The following ENTPD2 variants were observed in gnomAD, a reference collection of about 807,000 sequenced individuals.
The protein encoded by ENTPD2 is CD39 antigen-like 1.
A neutral mutation model predicts 46.8 loss-of-function variants in ENTPD2; 48 were observed. That is an observed-to-expected ratio of 1.03 (90% confidence interval 0.81 to 1.30). The LOEUF is 1.30. Ranked by LOEUF, ENTPD2 falls within the 50% of genes most tolerant of loss-of-function variation. The pLI is 0.00. For missense variants in ENTPD2, 707 were observed against 651.1 expected, an observed-to-expected ratio of 1.09 and a Z score of -0.93; for synonymous variants, 316 against 286.1, an observed-to-expected ratio of 1.10 and a Z score of -1.06.
In ENTPD2 at chr9:137,051,127, G is replaced by T. The variant is rs145171719; in HGVS notation, c.549C>A (p.Tyr183Ter). 7.4e-6 allele frequency: 12 copies of T among 1,612,814 alleles called. No individual in the cohort carries two copies. The highest frequency in any genetic ancestry group is 2.2e-5 in the East Asian group (1 of 44,884). ...ANYLLENFIK[Y>*]GWVGRWFRPR... Reference sequence around the variant, plus strand: ...GCCGGAACCACCGGCCCACCCAGCCGTACTGTGGAGAGGGGAGTGTGGGGT... The same window carrying T: ...GCCGGAACCACCGGCCCACCCAGCCTTACTGTGGAGAGGGGAGTGTGGGGT... Residue 183 changes from tyrosine to a stop codon, truncating the protein, a stop_gained and splice_region_variant, in exon 5 of 9, where the codon TAC (tyrosine) becomes TAA (stop). Coordinates refer to ENST00000355097, the MANE Select transcript of ENTPD2 (RefSeq NM_203468.3). LOFTEE classifies it high-confidence loss of function.
At chr9:137,049,658 G>A (rs1441230800) in intron 7 of ENTPD2, 1 of 557,876 alleles carries the variant, frequency 1.8e-6, no homozygotes, top group Non-Finnish European at 3.1e-6. Context: ...TCTGGGATGA[G>A]GGTCGGGCCT....
At chr9:137,049,195 A>G in intron 7 of ENTPD2, 120 bp from the exon 8 acceptor site, 1 of 1,475,710 alleles carries the variant, frequency 6.8e-7, no homozygotes, top group South Asian at 1.2e-5. Context: ...GTGCGAGGCC[A>G]GAGACCACCA....
rs1832295430 is a variant in ENTPD2, at chr9:137,051,456, G to A, written c.386+54C>T. On this transcript the variant is annotated intron_variant, in intron 3 of 8. Transcript: ENST00000355097. Reference sequence around the variant, plus strand: ...GGGTGCTCGGAGTCCGCCCTGCAAGGGGTCACAGCCAAAGGCCATCATGGG... The same window carrying A: ...GGGTGCTCGGAGTCCGCCCTGCAAGAGGTCACAGCCAAAGGCCATCATGGG... 3 of 1,548,022 alleles carry A rather than the reference G, an allele frequency of 1.9e-6. No homozygotes were observed. In the South Asian group the frequency reaches 3.7e-5, roughly 19 times the overall value.
intron 7 of ENTPD2, 155 bp downstream of exon 7, chr9:137,049,715 A>G: frequency 1.1e-6 from 1 of 870,192 alleles, no homozygotes; most frequent in Non-Finnish European, 1.7e-6. Context: ...CCTACCGGCC[A>G]CAGCCACGCC....
At position 137,049,043 on chromosome 9, in the gene ENTPD2, G is replaced by A. The variant is rs778810351; in HGVS notation, c.1182C>T (p.Arg394=). The A allele has an allele frequency of 6.5e-6, 10 of 1,534,854 alleles. No individual in the cohort carries two copies. The highest frequency in any genetic ancestry group is 8.7e-6 in the Non-Finnish European group (10 of 1,145,080). Residue 394 remains arginine (R), a synonymous_variant, in exon 8 of 9, where the codon CGC becomes CGT. Coordinates refer to ENST00000355097, the MANE Select transcript of ENTPD2 (RefSeq NM_203468.3). ...LQARVPGQRA[R]LADYCAGAMF... is the part of the protein sequence containing the mutation. ...TGGCCCCGGCGCAGTAGTCGGCCAG[G>A]CGGGCCCGTTGCCCTGGCACCCGAG...
chr9:137,052,335 A>G lies in ENTPD2; in HGVS notation c.131T>C (p.Leu44Pro). 6.9e-7 allele frequency: 1 copy of G among 1,459,048 alleles called. No homozygotes were observed. The highest frequency in any genetic ancestry group is 9.4e-7 in the Non-Finnish European group (1 of 1,065,194). 90.4% of individuals were successfully genotyped at this position (1,459,048 alleles called of 1,614,324 possible). A position where few individuals can be genotyped will look rare whatever the true frequency, so the allele number is the denominator to read the frequency against. The change falls in exon 2 of 9, where the codon CTG (leucine) becomes CCG (proline). Residue 44 changes from leucine (L) to proline (P), a missense_variant. Physicochemically the swap from Leu to Pro is moderately conservative, Grantham distance 98. Transcript: ENST00000355097. ...EPPALKYGIV[L>P]DAGSSHTSMF... is the part of the protein sequence containing the mutation. ...GGACGTGTGTGAAGAACCAGCGTCC[A>G]GGACGATGCCATACTGCGGGGGAGG...
intron 1 of ENTPD2, 90 bp from the exon 2 acceptor site, chr9:137,052,438 C>A: frequency 2.1e-6 from 2 of 975,594 alleles, no homozygotes; most frequent in Non-Finnish European, 2.9e-6. Context: ...TCCAGTTTGC[C>A]ACCGCTCCCC....
intron 7 of ENTPD2, 135 bp from the exon 8 acceptor site, chr9:137,049,210 G>C (rs1832208294): frequency 4.2e-6 from 6 of 1,415,666 alleles, no homozygotes; most frequent in South Asian, 1.2e-5. Context: ...CCACCACACA[G>C]GCCCGGACAC....
Position 137,051,662 on chromosome 9 carries a change from T to C in ENTPD2, c.236-2A>G. The C allele has an allele frequency of 6.2e-7, 1 of 1,606,180 alleles. No individual in the cohort carries two copies. Among genetic ancestry groups the C allele is most frequent in the African/African-American group, 1.3e-5 (1 of 74,618 alleles). On this transcript the variant is annotated splice_acceptor_variant, in intron 2 of 8. Coordinates refer to ENST00000355097, the MANE Select transcript of ENTPD2 (RefSeq NM_203468.3). LOFTEE classifies it high-confidence loss of function. The stretch of plus-strand genomic sequence containing the variant: ...CTGCATAGCTGGAGATGCCCCCACC[T>C]AGAGGGAGGCAGAGAGATGAGCCTA...
chr9:137,050,963 TG>T lies in ENTPD2; in HGVS notation c.712del (p.His238ThrfsTer137). ...LYGQHYRVYT[H>X]SFLCYGRDQV... ...GTCACGGCCATAGCAGAGGAAGCTG[TG>T]GGTGTAGACTCGGTAGTGCTGGCCG... is the stretch of plus-strand genomic sequence containing the variant. On this transcript the variant is annotated frameshift_variant, in exon 5 of 9. Coordinates refer to ENST00000355097, the MANE Select transcript of ENTPD2 (RefSeq NM_203468.3). LOFTEE classifies it high-confidence loss of function. The T allele has an allele frequency of 6.2e-7, 1 of 1,612,766 alleles. No homozygotes were observed. Among genetic ancestry groups the T allele is most frequent in the African/African-American group, 1.3e-5 (1 of 75,024 alleles).
intron 5 of ENTPD2, among the ~76,000 whole-genome samples, 160 bp from the exon 6 acceptor site, chr9:137,050,698 A>C (rs1238929635): frequency 1.3e-5 from 2 of 152,140 alleles, no homozygotes; most frequent in Non-Finnish European, 2.9e-5. Context: ...GCCCCTGACC[A>C]GGCTCCCTCT....
intron 7 of ENTPD2, chr9:137,049,438 C>G: frequency 3.8e-6 from 2 of 523,292 alleles, no homozygotes; most frequent in South Asian, 3.7e-5. Context: ...CTCCCTCACC[C>G]CAGTCTGTCT....
Position 137,048,797 on chromosome 9 carries a change from C to T in ENTPD2, c.1348G>A (p.Ala450Thr), listed in dbSNP as rs751443222. ...YMLNLTNLIP[A>T]DPPGLRKGTD... ...CCCTTGCGCAGCCCCGGCGGGTCGG[C>T]GGGGATCAGGTTGGTCAGGTTCAGC... The change falls in exon 9 of 9, where the codon GCC (alanine) becomes ACC (threonine). Residue 450 changes from alanine (A) to threonine (T), a missense_variant. By Grantham distance (58) the Ala-to-Thr change is moderately conservative. Coordinates refer to ENST00000355097, the MANE Select transcript of ENTPD2 (RefSeq NM_203468.3). 5 of 1,583,762 alleles carry T rather than the reference C, an allele frequency of 3.2e-6. No homozygotes were observed. Among genetic ancestry groups the T allele is most frequent in the Non-Finnish European group, 3.4e-6 (4 of 1,164,416 alleles).
Position 137,052,445 on chromosome 9 carries a change from C to CG in ENTPD2, c.118-98_118-97insC. The CG allele has an allele frequency of 3.9e-6, 3 of 765,208 alleles. No individual in the cohort carries two copies. The South Asian group carries it at 5.0e-5, about 13-fold the overall frequency. The allele number at this position is 765,208 out of a possible 1,614,324, so 47.4% of individuals were successfully genotyped here. A position where few individuals can be genotyped will look rare whatever the true frequency, so the allele number is the denominator to read the frequency against. On this transcript the variant is annotated intron_variant, in intron 1 of 8. Coordinates refer to ENST00000355097, the MANE Select transcript of ENTPD2 (RefSeq NM_203468.3). ...TGGGTTCCTCCAGTTTGCCACCGCT[C>CG]CCCCCCCCACCCAGTCATGTGCCAA... is the stretch of plus-strand genomic sequence containing the variant.
chr9:137,050,934 C>T lies in ENTPD2; in HGVS notation c.742G>A (p.Val248Ile), dbSNP rs1424425481. Residue 248 changes from valine to isoleucine, a missense_variant, in exon 5 of 9, where the codon GTC (valine) becomes ATC (isoleucine). By Grantham distance (29) the Val-to-Ile change is conservative. Transcript: ENST00000355097. ...GCGCTGGCCAGCAGCCTCTGGAGGA[C>T]CTGGTCACGGCCATAGCAGAGGAAG... is the stretch of plus-strand genomic sequence containing the variant. ...HSFLCYGRDQ[V>I]LQRLLASALQ... 1.2e-6 allele frequency: 2 copies of T among 1,612,316 alleles called. No individual in the cohort carries two copies. Among genetic ancestry groups the T allele is most frequent in the Admixed American group, 1.7e-5 (1 of 60,020 alleles).
chr9:137,048,577 A>C lies in ENTPD2; in HGVS notation c.*80T>G. On this transcript the variant is annotated 3_prime_UTR_variant, in exon 9 of 9. Coordinates refer to ENST00000355097, the MANE Select transcript of ENTPD2 (RefSeq NM_203468.3). ...GTGGGGATACAGGGGTGGGAGGTAC[A>C]GGGGTTGTGGGAGGGGTGGGAGTAC... is the stretch of plus-strand genomic sequence containing the variant. 1 of 1,042,386 alleles carries C rather than the reference A, an allele frequency of 9.6e-7. No homozygotes were observed. The highest frequency in any genetic ancestry group is 1.2e-6 in the Non-Finnish European group (1 of 807,996). 64.6% of individuals were successfully genotyped at this position (1,042,386 alleles called of 1,614,324 possible). A position where few individuals can be genotyped will look rare whatever the true frequency, so the allele number is the denominator to read the frequency against.
At chr9:137,049,191 G>T in intron 7 of ENTPD2, 116 bp from the exon 8 acceptor site, 1 of 1,493,244 alleles carries the variant, frequency 6.7e-7, no homozygotes, top group Non-Finnish European at 9.0e-7. Context: ...GGCCGTGCGA[G>T]GCCAGAGACC....
intron 7 of ENTPD2, 168 bp downstream of exon 7, chr9:137,049,702 C>T: frequency 5.3e-6 from 4 of 761,034 alleles, no homozygotes; most frequent in Non-Finnish European, 8.1e-6. Flanking sequence ...GACTTGTTCA[C>T]AGCCTACCGG....
chr9:137,049,873 A>G lies in ENTPD2; in HGVS notation c.1146T>C (p.Ala382=), dbSNP rs2131510884. 1.9e-6 allele frequency: 3 copies of G among 1,610,422 alleles called. No individual in the cohort carries two copies. The East Asian group carries it at 6.7e-5, about 36-fold the overall frequency. Residue 382 remains alanine, a synonymous_variant, in exon 7 of 9, where the codon GCT becomes GCC. Transcript: ENST00000355097. ...AAGGAGTGGGAGCGGGGCTCACCTGAGCCCAGGTCTGGTTGCAGACATTCA... is the reference window on the plus strand; with the variant it reads ...AAGGAGTGGGAGCGGGGCTCACCTGGGCCCAGGTCTGGTTGCAGACATTCA... ...AAVNVCNQTW[A]QLQARVPGQR... is the part of the protein sequence containing the mutation.
Sources: gnomAD v4.1 joint callset for allele counts (sites outside exome capture counted in the v4.1 genomes callset) on GRCh38, gnomAD v4.1.1 for gene constraint, MANE v1.5 for transcripts, NCBI Gene and HGNC (gene_info 2026-07-23, HGNC 2026-07-21) for gene names.